The following TTC39B variants were observed in gnomAD, a reference collection of about 807,000 sequenced individuals.
The protein encoded by TTC39B is tetratricopeptide repeat protein 39B.
In TTC39B, 92 loss-of-function variants were observed where a neutral mutation model predicts 96.6. The ratio of observed to expected loss-of-function variants is 0.95; its 90% CI spans 0.80 to 1.13. The LOEUF (loss-of-function observed/expected upper bound fraction) is 1.13, where lower values mean the gene tolerates loss of function less well. Ranked by LOEUF, TTC39B falls within the 50% of genes most tolerant of loss-of-function variation. The pLI, the probability that TTC39B is intolerant of heterozygous loss-of-function variation, is 0.00. For synonymous variants in TTC39B, 367 were observed against 299.4 expected, an observed-to-expected ratio of 1.23 and a Z score of -2.33; for missense variants, 955 against 809.3, an observed-to-expected ratio of 1.18 and a Z score of -2.18.
chr9:15,203,863 G>T (rs867777682), exon 7 of TTC39B: 1 of 1,612,772 alleles, frequency 6.2e-7, no homozygotes, highest in African/African-American at 1.3e-5. Flanking sequence ...GAGACACTCG[G>T]CATAACAGAT....
intron 2 of TTC39B, among the ~76,000 whole-genome samples, chr9:15,242,290 G>A (rs554067861): frequency 5.9e-5 from 9 of 152,230 alleles, no homozygotes; most frequent in African/African-American, 1.4e-4. Context: ...TATCAACAAC[G>A]GGAAATGCAG....
chr9:15,259,953 G>A (rs150749664), intron 2 of TTC39B, among the ~76,000 whole-genome samples: 113 of 152,264 alleles, frequency 7.4e-4, no homozygotes, highest in African/African-American at 2.7e-3. Context: ...AATAGATAAT[G>A]ACTATAAAAA....
intron 2 of TTC39B, among the ~76,000 whole-genome samples, chr9:15,240,079 G>A (rs1381674506): frequency 6.6e-6 from 1 of 152,130 alleles, no homozygotes. Flanking sequence ...TCAAAGAGCT[G>A]TTCTCATGGC....
rs562080755 is a variant in TTC39B, at chr9:15,251,460, G to C, written c.275+16454C>G. Among the ~76,000 whole-genome samples, 291 of 151,922 alleles carry C rather than the reference G, an allele frequency of 1.9e-3. 2 individuals are homozygous for C. The highest frequency in any genetic ancestry group is 1.8e-3 in the Non-Finnish European group (120 of 67,964). On this transcript the variant is annotated intron_variant, in intron 2 of 19. Coordinates refer to ENST00000512701, the Ensembl canonical transcript of TTC39B. ...GCCTGTAATCCCAGCTACTAGGGAGGCTGAGGCAGGAGAATCACTTGAACT... is the reference window on the plus strand; with the variant it reads ...GCCTGTAATCCCAGCTACTAGGGAGCCTGAGGCAGGAGAATCACTTGAACT...
chr9:15,177,746 A>C (rs1199739482), exon 18 of TTC39B: 1 of 1,613,524 alleles, frequency 6.2e-7, no homozygotes, highest in Non-Finnish European at 8.5e-7. Context: ...GGCCGCTGTA[A>C]GTTCTTGAGG....
At chr9:15,307,056 C>T (rs1304893210) in intron 1 of TTC39B, 28 bp downstream of exon 1, 4 of 1,605,778 alleles carry the variant, frequency 2.5e-6, no homozygotes, top group Non-Finnish European at 3.4e-6. Context: ...CTTCAGGGGC[C>T]GGGCCCGCAA....
At chr9:15,172,562 T>A (rs1588830753) in intron 19 of TTC39B, among the ~76,000 whole-genome samples, 1 of 152,160 alleles carries the variant, frequency 6.6e-6, no homozygotes, top group South Asian at 2.1e-4. Flanking sequence ...AATTACTTAA[T>A]GACGTCAAAA....
chr9:15,175,186 C>T (rs1588836158), intron 18 of TTC39B, 51 bp from the exon 19 acceptor site: 5 of 1,251,016 alleles, frequency 4.0e-6, no homozygotes, highest in Non-Finnish European at 5.8e-6. Context: ...AAGAAATACA[C>T]ATTTTTCTAA....
At chr9:15,200,016 A>C in intron 7 of TTC39B, 91 bp from the exon 8 acceptor site, 2 of 618,396 alleles carry the variant, frequency 3.2e-6, no homozygotes, top group Non-Finnish European at 5.3e-6. Context: ...AGAAAAACAA[A>C]AACAAACAAA....
chr9:15,171,384 T>C (rs1473757895), exon 20 of TTC39B: 2 of 152,098 alleles, frequency 1.3e-5, no homozygotes, highest in Non-Finnish European at 2.9e-5. Context: ...ACATTCAAAA[T>C]CAGTCTCTCC....
intron 1 of TTC39B, among the ~76,000 whole-genome samples, chr9:15,295,691 T>A (rs564338097): frequency 1.3e-5 from 2 of 152,334 alleles, no homozygotes; most frequent in Admixed American, 1.3e-4. Context: ...ATGTGTCAGG[T>A]GCTTTATAAA....
chr9:15,215,100 T>G (rs955375856), intron 3 of TTC39B, among the ~76,000 whole-genome samples: 2 of 151,882 alleles, frequency 1.3e-5, no homozygotes, highest in Non-Finnish European at 2.9e-5. Flanking sequence ...TAAAAAAGTT[T>G]TTTTAAATAG....
intron 1 of TTC39B, among the ~76,000 whole-genome samples, chr9:15,283,619 G>GA (rs1587005533): frequency 1.3e-5 from 2 of 151,790 alleles, no homozygotes; most frequent in South Asian, 2.1e-4. Context: ...TATCAAGAAG[G>GA]AAAAAAAATT....
At chr9:15,211,434 A>G in intron 4 of TTC39B, 37 bp from the exon 5 acceptor site, 1 of 1,436,078 alleles carries the variant, frequency 7.0e-7, no homozygotes, top group Non-Finnish European at 9.2e-7. Context: ...ATTTTAATTC[A>G]ATGGAAATAC....
At chr9:15,169,248 TTTTCC>T (rs1817584385) in exon 20 of TTC39B, 1 of 152,188 alleles carries the variant, frequency 6.6e-6, no homozygotes, top group South Asian at 2.1e-4. Flanking sequence ...ATGGACTTAA[TTTTCC>T]TATATAACTT....
chr9:15,208,267 C>T (rs550459992), intron 6 of TTC39B, among the ~76,000 whole-genome samples: 2 of 151,892 alleles, frequency 1.3e-5, no homozygotes. Context: ...TTGTGATCCA[C>T]CCGCCTCGGC....
rs776881976 is a variant in TTC39B, at chr9:15,182,277, G to T, written c.1723+30C>A. On this transcript the variant is annotated intron_variant, in intron 17 of 19. Transcript: ENST00000512701. Reference sequence around the variant, plus strand: ...AGAGCAGTCATGGAGCAGAGACAAAGGCTCCTCGGTGCTTACTGTGTATAC... The same window carrying T: ...AGAGCAGTCATGGAGCAGAGACAAATGCTCCTCGGTGCTTACTGTGTATAC... 8 of 1,436,204 alleles carry T rather than the reference G, an allele frequency of 5.6e-6. No homozygotes were observed. In the Admixed American group the frequency reaches 1.3e-4, roughly 24 times the overall value. 89.0% of individuals were successfully genotyped at this position (1,436,204 alleles called of 1,614,324 possible).
intron 1 of TTC39B, among the ~76,000 whole-genome samples, chr9:15,272,065 G>C (rs1385306577): frequency 6.6e-5 from 10 of 152,134 alleles, no homozygotes; most frequent in African/African-American, 2.4e-4. Flanking sequence ...CCTACAGAAA[G>C]ACCAGTGCTT....
At chr9:15,192,821 A>T in intron 8 of TTC39B, 126 bp from the exon 9 acceptor site, 1 of 646,454 alleles carries the variant, frequency 1.5e-6, no homozygotes, top group South Asian at 2.0e-5. Flanking sequence ...AAAATTTTAA[A>T]GGATGATGCT....
Sources: gnomAD v4.1 joint callset for allele counts (sites outside exome capture counted in the v4.1 genomes callset) on GRCh38, gnomAD v4.1.1 for gene constraint, MANE v1.5 for transcripts, NCBI Gene and HGNC (gene_info 2026-07-23, HGNC 2026-07-21) for gene names.